Variants in CPEB1 observed in about 807,000 individuals in gnomAD.
The protein encoded by CPEB1 is cytoplasmic polyadenylation element-binding protein 1.
In CPEB1, 7 loss-of-function variants were observed where a neutral mutation model predicts 65.8. The ratio of observed to expected loss-of-function variants is 0.11; its 90% CI spans 0.06 to 0.20. The LOEUF (loss-of-function observed/expected upper bound fraction) is 0.20, where lower values mean the gene tolerates loss of function less well. Among genes scored for constraint, CPEB1 ranks in the 10% least tolerant of loss-of-function variants. CPEB1 has a pLI of 1.00. For missense variants in CPEB1, 551 were observed against 712.2 expected (o/e 0.77, Z 2.58); for synonymous variants, 262 against 260.0 (o/e 1.01, Z -0.08).
At chr15:82,629,610 A>C in intron 1 of CPEB1, 1 of 985,422 alleles carries the variant, frequency 1.0e-6, no homozygotes. Context: ...AATGCCCAAC[A>C]TAAGAAGCAA....
intron 3 of CPEB1, among the ~76,000 whole-genome samples, chr15:82,598,474 GC>G (rs779514979): frequency 2.2e-4 from 34 of 151,936 alleles, no homozygotes; most frequent in Non-Finnish European, 4.6e-4. Flanking sequence ...GAGTGACAGA[GC>G]AAAACTCTGT....
rs1442140985 is a variant in CPEB1, at chr15:82,630,125, G to C, written c.-97-1569C>G. On this transcript the variant is annotated intron_variant, in intron 1 of 12. Coordinates refer to ENST00000684509, the MANE Select transcript of CPEB1 (RefSeq NM_001365242.1). ...GCAAAGATTTATAACCTGCAGAGAGGAGGTCTCGCTGTGTTGCCCAGGCTG... is the reference window on the plus strand; with the variant it reads ...GCAAAGATTTATAACCTGCAGAGAGCAGGTCTCGCTGTGTTGCCCAGGCTG... 38 of 985,206 alleles carry C rather than the reference G, an allele frequency of 3.9e-5. No individual in the cohort carries two copies. The South Asian group carries it at 1.5e-3, about 38-fold the overall frequency. The allele number at this position is 985,206 out of a possible 1,614,324, so 61.0% of individuals were successfully genotyped here.
At chr15:82,583,281 T>C (rs1370848238) in intron 3 of CPEB1, 1 of 151,996 alleles carries the variant, frequency 6.6e-6, no homozygotes, top group Non-Finnish European at 1.5e-5. Context: ...TGGTTCAGAG[T>C]CCTTGAATAC....
intron 1 of CPEB1, 179 bp from the exon 2 acceptor site, chr15:82,628,735 T>C: frequency 2.7e-6 from 1 of 372,058 alleles, no homozygotes; most frequent in Non-Finnish European, 4.8e-6. Context: ...GACCAATCAA[T>C]CCTTCCTCTT....
intron 3 of CPEB1, among the ~76,000 whole-genome samples, chr15:82,579,365 G>C (rs1013960977): frequency 1.3e-5 from 2 of 152,086 alleles, no homozygotes; most frequent in Admixed American, 6.6e-5. Context: ...GGAGGTTGAG[G>C]CTACGATGAA....
chr15:82,624,012 C>A (rs1211165708), intron 3 of CPEB1, among the ~76,000 whole-genome samples: 5 of 152,212 alleles, frequency 3.3e-5, no homozygotes, highest in Non-Finnish European at 5.9e-5. Context: ...TTATTTCCTT[C>A]AAGGAACAAA....
intron 12 of CPEB1, among the ~76,000 whole-genome samples, chr15:82,545,292 G>A (rs796417570): frequency 2.6e-5 from 4 of 152,246 alleles, no homozygotes; most frequent in African/African-American, 9.6e-5. Context: ...TTGGTCTCAG[G>A]CTTTAACTAA....
chr15:82,629,499 G>A (rs1295487979), intron 1 of CPEB1: 7 of 984,808 alleles, frequency 7.1e-6, no homozygotes, highest in Non-Finnish European at 6.0e-6. Flanking sequence ...CTATTCTTTT[G>A]GTATTCCCTA....
At chr15:82,610,221 A>G (rs1177055509) in intron 3 of CPEB1, among the ~76,000 whole-genome samples, 1 of 152,210 alleles carries the variant, frequency 6.6e-6, no homozygotes, top group Non-Finnish European at 1.5e-5. Flanking sequence ...AGTCATCAAC[A>G]AACTTCCCAG....
intron 4 of CPEB1, among the ~76,000 whole-genome samples, chr15:82,561,355 TGG>T (rs1348029534): frequency 1.3e-5 from 2 of 152,002 alleles, no homozygotes. Context: ...AAGCAGAAAA[TGG>T]GGGGAGCATT....
intron 4 of CPEB1, among the ~76,000 whole-genome samples, chr15:82,565,673 G>C (rs1406905632): frequency 2.6e-5 from 4 of 152,204 alleles, no homozygotes; most frequent in African/African-American, 9.6e-5. Context: ...ATTAGAGGAG[G>C]GGGAGGGGTG....
chr15:82,637,880 G>A lies in CPEB1; in HGVS notation c.-98+9257C>T, dbSNP rs183236242. The A allele has an allele frequency of 6.5e-4, 257 of 394,124 alleles. 1 individual carries two copies. The highest frequency in any genetic ancestry group is 5.0e-3 in the African/African-American group (238 of 47,768). The allele number at this position is 394,124 out of a possible 1,614,324, so 24.4% of individuals were successfully genotyped here. On this transcript the variant is annotated intron_variant, in intron 1 of 12. Coordinates refer to ENST00000684509, the MANE Select transcript of CPEB1 (RefSeq NM_001365242.1). ...AGCTTTTTGTGTAAGTAGGTCATAT[G>A]AATATTCACCCATTAGAAATTAAAA...
Position 82,555,988 on chromosome 15 carries a change from T to A in CPEB1, c.822A>T (p.Pro274=). The A allele has an allele frequency of 1.2e-6, 2 of 1,613,792 alleles. No individual in the cohort carries two copies. Among genetic ancestry groups the A allele is most frequent in the East Asian group, 4.5e-5 (2 of 44,826 alleles). The change falls in exon 6 of 13, where the codon CCA becomes CCT. Residue 274 remains proline (P), a synonymous_variant. Transcript: ENST00000684509. ...QAALAAVTPS[P]TSASKRWPGA... ...CTGGCCATCTCTTTGAAGCACTGGTTGGGGAGGGAGTGACTGCAGCAAGAG... is the reference window on the plus strand; with the variant it reads ...CTGGCCATCTCTTTGAAGCACTGGTAGGGGAGGGAGTGACTGCAGCAAGAG...
At chr15:82,641,705 G>C (rs989072953) in intron 1 of CPEB1, 1 of 150,100 alleles carries the variant, frequency 6.7e-6, no homozygotes, top group Admixed American at 6.7e-5. Context: ...AAAACAAAGA[G>C]TGTTAACTCA....
At chr15:82,618,423 ATTC>A (rs1336104621) in intron 3 of CPEB1, among the ~76,000 whole-genome samples, 1 of 152,244 alleles carries the variant, frequency 6.6e-6, no homozygotes, top group Non-Finnish European at 1.5e-5. Context: ...GAATATGTAT[ATTC>A]TTCAAACAAG....
Position 82,571,464 on chromosome 15 carries a change from G to T in CPEB1, c.340C>A (p.Arg114Ser). ...AAGTCATTTGCATCTGGGAGGCCACGGGAAGATTCTTGCGCAGAGGTTGGG... is the reference window on the plus strand; with the variant it reads ...AAGTCATTTGCATCTGGGAGGCCACTGGAAGATTCTTGCGCAGAGGTTGGG... ...LFPTSAQESS[R>S]GLPDANDLCL... The change falls in exon 4 of 13, where the codon CGT becomes AGT. Residue 114 changes from arginine (R) to serine (S), a missense_variant. Arg to Ser is a moderately radical substitution (Grantham distance 110, BLOSUM62 -1). Around this residue, in one of 6 missense-constraint regions of CPEB1, gnomAD observed 223 missense variants for 228.6 expected, o/e 0.98. Coordinates refer to ENST00000684509, the MANE Select transcript of CPEB1 (RefSeq NM_001365242.1). The T allele has an allele frequency of 6.2e-7, 1 of 1,614,150 alleles. No homozygotes were observed. The highest frequency in any genetic ancestry group is 8.5e-7 in the Non-Finnish European group (1 of 1,180,010).
chr15:82,610,011 G>T (rs1158811408), intron 3 of CPEB1, among the ~76,000 whole-genome samples: 1 of 143,866 alleles, frequency 7.0e-6, no homozygotes, highest in Non-Finnish European at 1.5e-5. Flanking sequence ...GGTGAGCCGA[G>T]ATCACCCCAC....
chr15:82,596,526 C>T (rs974073797), intron 3 of CPEB1, among the ~76,000 whole-genome samples: 2 of 151,710 alleles, frequency 1.3e-5, no homozygotes, highest in Non-Finnish European at 2.9e-5. Flanking sequence ...GGCAAAACCC[C>T]GTCTCTACTA....
intron 3 of CPEB1, among the ~76,000 whole-genome samples, chr15:82,619,559 G>A (rs1306681573): frequency 6.6e-6 from 1 of 151,976 alleles, no homozygotes; most frequent in Admixed American, 6.6e-5. Flanking sequence ...ACTCATATGT[G>A]GCCTATATAA....
Sources: gnomAD v4.1 joint callset for allele counts (sites outside exome capture counted in the v4.1 genomes callset) on GRCh38, gnomAD v4.1.1 for gene constraint, gnomAD v4.1.1 regional missense constraint, MANE v1.5 for transcripts, NCBI Gene and HGNC (gene_info 2026-07-23, HGNC 2026-07-21) for gene names.